B3GALNT2: variants seen among roughly 807,000 people sequenced by gnomAD.
B3GALNT2 encodes beta-1,3-N-acetylgalactosaminyltransferase 2, also known as UDP-GalNAc:beta-1,3-N-acetylgalactosaminyltransferase 2.
In B3GALNT2, 53 loss-of-function variants were observed where a neutral mutation model predicts 61.1. That is an observed-to-expected ratio of 0.87 (90% CI 0.70 to 1.09). B3GALNT2 has a LOEUF of 1.09. Ranked by LOEUF, B3GALNT2 falls within the 50% of genes least tolerant of loss-of-function variation. B3GALNT2 has a pLI of 0.00. For synonymous variants in B3GALNT2, 223 were observed against 237.4 expected (o/e 0.94, Z 0.56); for missense variants, 544 against 623.0 (o/e 0.87, Z 1.35).
At chr1:235,494,548 C>A in intron 2 of B3GALNT2, 133 bp downstream of exon 2, 1 of 958,518 alleles carries the variant, frequency 1.0e-6, no homozygotes, top group East Asian at 2.5e-5. Context: ...CCTCAATTTT[C>A]CAAGCTCAAG....
chr1:235,446,793 G>A (rs1682359106), downstream of B3GALNT2, among the ~76,000 whole-genome samples: 1 of 151,458 alleles, frequency 6.6e-6, no homozygotes, highest in African/African-American at 2.4e-5. Flanking sequence ...GACCTCCTGG[G>A]CTCAAGTGAT....
rs1158426562 is a variant in B3GALNT2 at position 235,447,622 on chromosome 1, T to G, written c.*2584A>C. Among the ~76,000 whole-genome samples, 1 of 152,168 alleles carries G rather than the reference T, an allele frequency of 6.6e-6. No homozygotes were observed. The highest frequency in any genetic ancestry group is 1.5e-5 in the Non-Finnish European group (1 of 68,034). On this transcript the variant is annotated 3_prime_UTR_variant, in exon 12 of 12. Coordinates refer to ENST00000366600, the MANE Select transcript of B3GALNT2 (RefSeq NM_152490.5). ...GGGAACTAAGGCCAGAGTTGAGAGA[T>G]GTCCTCAGGATACCTGAGTCCCATT...
chr1:235,489,231 C>G lies in B3GALNT2; in HGVS notation c.298G>C (p.Glu100Gln), dbSNP rs1465108215. The change falls in exon 3 of 12, where the codon GAA becomes CAA. Residue 100 changes from glutamate (E) to glutamine (Q), a missense_variant. Physicochemically the swap from Glu to Gln is conservative, Grantham distance 29. Transcript: ENST00000366600. ...VKFIIGAHGCEVPVEDREDPY... is the reference protein window; with the variant it reads ...VKFIIGAHGCQVPVEDREDPY... ...TCCTCCCTGTCTTCCACAGGCACTT[C>G]ACAGCCATGAGCACCTATTATGAAC... 2 of 1,613,916 alleles carry G rather than the reference C, an allele frequency of 1.2e-6. No individual in the cohort carries two copies.
intron 1 of B3GALNT2, among the ~76,000 whole-genome samples, chr1:235,497,586 TTAC>T (rs1685386161): frequency 6.6e-6 from 1 of 152,232 alleles, no homozygotes; most frequent in South Asian, 2.1e-4. Flanking sequence ...TTCCAATAAT[TTAC>T]TACCTTATTT....
chr1:235,480,207 A>G, intron 4 of B3GALNT2, 58 bp from the exon 5 acceptor site: 11 of 1,594,742 alleles, frequency 6.9e-6, no homozygotes, highest in Non-Finnish European at 8.5e-6. Context: ...TTGCATATGC[A>G]AAAAGTTTTC....
At chr1:235,479,521 G>A (rs904067541) in intron 5 of B3GALNT2, 1 of 153,310 alleles carries the variant, frequency 6.5e-6, no homozygotes, top group African/African-American at 2.4e-5. Flanking sequence ...GCATTCTTTA[G>A]TGCATATCTA....
intron 6 of B3GALNT2, among the ~76,000 whole-genome samples, chr1:235,467,536 G>A (rs905642740): frequency 3.4e-5 from 5 of 147,158 alleles, no homozygotes; most frequent in Admixed American, 6.8e-5. Context: ...CCAGGCTGGA[G>A]TGCGATGGCG....
intron 8 of B3GALNT2, among the ~76,000 whole-genome samples, chr1:235,457,034 G>T (rs987788980): frequency 1.3e-5 from 2 of 152,160 alleles, no homozygotes; most frequent in African/African-American, 4.8e-5. Context: ...CAGGCCAGGT[G>T]TGGTGGCTCA....
At chr1:235,468,106 C>T (rs549407431) in intron 6 of B3GALNT2, among the ~76,000 whole-genome samples, 8 of 152,192 alleles carry the variant, frequency 5.3e-5, no homozygotes, top group African/African-American at 1.9e-4. Context: ...TTGTATATTT[C>T]TATATTGTTT....
Position 235,498,843 on chromosome 1 carries a change from C to CAA in B3GALNT2, c.113-4017_113-4016dup, listed in dbSNP as rs57291873. Among the ~76,000 whole-genome samples, 212 of 64,110 alleles carry CAA rather than the reference C, an allele frequency of 3.3e-3. 3 individuals are homozygous for CAA. The highest frequency in any genetic ancestry group is 6.6e-3 in the African/African-American group (114 of 17,300). The allele number at this position is 64,110 out of a possible 152,430, so 42.1% of individuals were successfully genotyped here. On this transcript the variant is annotated intron_variant, in intron 1 of 11. Coordinates refer to ENST00000366600, the MANE Select transcript of B3GALNT2 (RefSeq NM_152490.5). The stretch of plus-strand genomic sequence containing the variant: ...TGGGTGACAGAGCTAGACTCCTTCT[C>CAA]AAAAAAAAAAAAAAAAAAAAAAAAA...
In B3GALNT2 at chr1:235,448,481, G is replaced by C. The variant is rs1350707760; in HGVS notation, c.*1725C>G. On this transcript the variant is annotated 3_prime_UTR_variant, in exon 12 of 12. Coordinates refer to ENST00000366600, the MANE Select transcript of B3GALNT2 (RefSeq NM_152490.5). ...AAATACAAAGTCAAAGTCAAGCTTA[G>C]TCCTCGTATTATGACATTAAACTGT... The C allele has an allele frequency of 6.3e-7, 1 of 1,577,050 alleles. No homozygotes were observed. The highest frequency in any genetic ancestry group is 1.7e-5 in the Admixed American group (1 of 59,976).
At chr1:235,496,237 G>A (rs1363748475) in intron 1 of B3GALNT2, 4 of 262,594 alleles carry the variant, frequency 1.5e-5, no homozygotes, top group South Asian at 7.1e-5. Context: ...CTTGAACCCG[G>A]GAGGTGGAGG....
chr1:235,448,470 A>C lies in B3GALNT2; in HGVS notation c.*1736T>G. On this transcript the variant is annotated 3_prime_UTR_variant, in exon 12 of 12. Coordinates refer to ENST00000366600, the MANE Select transcript of B3GALNT2 (RefSeq NM_152490.5). ...GTTGCCCAGCAAAATACAAAGTCAA[A>C]GTCAAGCTTAGTCCTCGTATTATGA... 6.3e-7 allele frequency: 1 copy of C among 1,590,928 alleles called. No individual in the cohort carries two copies. The highest frequency in any genetic ancestry group is 8.6e-7 in the Non-Finnish European group (1 of 1,159,014).
Position 235,455,694 on chromosome 1 carries a change from CA to C in B3GALNT2, c.1026-11del, listed in dbSNP as rs747658600. 2.5e-6 allele frequency: 4 copies of C among 1,605,548 alleles called. No homozygotes were observed. The South Asian group carries it at 3.3e-5, about 13-fold the overall frequency. Reference sequence around the variant, plus strand: ...CGTTGTTTCCACAGTCCTGTTGACACAAAAGGGATAAGAAAGTCAGTGCGAC... The same window carrying C: ...CGTTGTTTCCACAGTCCTGTTGACACAAAGGGATAAGAAAGTCAGTGCGAC... On this transcript the variant is annotated splice_polypyrimidine_tract_variant and intron_variant, in intron 8 of 11. Coordinates refer to ENST00000366600, the MANE Select transcript of B3GALNT2 (RefSeq NM_152490.5).
At chr1:235,498,271 A>G (rs1685419091) in intron 1 of B3GALNT2, among the ~76,000 whole-genome samples, 2 of 152,314 alleles carry the variant, frequency 1.3e-5, no homozygotes, top group Admixed American at 1.3e-4. Context: ...TTACAAGAAC[A>G]GGGTACCTAG....
At chr1:235,465,497 C>G in intron 7 of B3GALNT2, 139 bp downstream of exon 7, 1 of 1,321,846 alleles carries the variant, frequency 7.6e-7, no homozygotes, top group Non-Finnish European at 1.0e-6. Flanking sequence ...ACTAAAACCA[C>G]TGAACCACTT....
intron 7 of B3GALNT2, among the ~76,000 whole-genome samples, chr1:235,460,578 G>GC (rs1683375474): frequency 7.1e-6 from 1 of 141,328 alleles, no homozygotes; most frequent in South Asian, 2.2e-4. Flanking sequence ...TATTTCCTTT[G>GC]TTTTTTTTTT....
intron 1 of B3GALNT2, among the ~76,000 whole-genome samples, chr1:235,499,227 A>G (rs754779281): frequency 4.6e-5 from 7 of 152,236 alleles, no homozygotes; most frequent in Non-Finnish European, 1.0e-4. Context: ...GGAACTATGT[A>G]GATACTAGAC....
At chr1:235,501,844 G>A (rs1685596081) in intron 1 of B3GALNT2, among the ~76,000 whole-genome samples, 1 of 151,908 alleles carries the variant, frequency 6.6e-6, no homozygotes, top group Non-Finnish European at 1.5e-5. Context: ...TAGGCTTAAA[G>A]TACAAGGGTT....
Sources: gnomAD v4.1 joint callset for allele counts (sites outside exome capture counted in the v4.1 genomes callset) on GRCh38, gnomAD v4.1.1 for gene constraint, MANE v1.5 for transcripts, NCBI Gene and HGNC (gene_info 2026-07-23, HGNC 2026-07-21) for gene names.